NRG2: variants seen among roughly 807,000 people sequenced by gnomAD.
NRG2 encodes the protein pro-neuregulin-2, membrane-bound isoform.
A neutral mutation model predicts 73.9 loss-of-function variants in NRG2; 27 were observed. The observed-to-expected ratio is 0.37, with a 90% CI of 0.27 to 0.50. The LOEUF is 0.50. Among genes scored for constraint, NRG2 ranks in the 20% least tolerant of loss-of-function variants. The pLI is 0.96. For synonymous variants in NRG2, 532 were observed against 541.0 expected (o/e 0.98, Z 0.23); for missense variants, 1,126 against 1,210.1 (o/e 0.93, Z 1.03).
intron 1 of NRG2, among the ~76,000 whole-genome samples, chr5:139,899,640 C>T (rs1764752501): frequency 6.6e-6 from 1 of 152,232 alleles, no homozygotes; most frequent in South Asian, 2.1e-4. Context: ...CTGCCACAGT[C>T]ACACTGCAAG....
chr5:139,921,561 A>C (rs552921756), intron 1 of NRG2, among the ~76,000 whole-genome samples: 1 of 152,226 alleles, frequency 6.6e-6, no homozygotes, highest in Admixed American at 6.5e-5. Context: ...CTGTAAAAAA[A>C]AAAAGAATCT....
intron 1 of NRG2, among the ~76,000 whole-genome samples, chr5:139,999,919 A>G (rs543276641): frequency 6.6e-6 from 1 of 152,364 alleles, no homozygotes; most frequent in African/African-American, 2.4e-5. Context: ...TGCCCAGGGG[A>G]AAACAAGCAG....
At chr5:139,965,720 C>A (rs540645531) in intron 1 of NRG2, among the ~76,000 whole-genome samples, 1 of 152,168 alleles carries the variant, frequency 6.6e-6, no homozygotes, top group African/African-American at 2.4e-5. Context: ...TGGTAGAGAC[C>A]GTCACCCCAA....
intron 1 of NRG2, among the ~76,000 whole-genome samples, chr5:139,942,511 A>G (rs1349399448): frequency 6.6e-6 from 1 of 152,164 alleles, no homozygotes; most frequent in Non-Finnish European, 1.5e-5. Context: ...ATTCTACACT[A>G]TTCTTAGAGG....
chr5:139,987,183 G>A (rs895598939), intron 1 of NRG2, among the ~76,000 whole-genome samples: 2 of 150,792 alleles, frequency 1.3e-5, no homozygotes, highest in African/African-American at 4.9e-5. Context: ...GCCAGCCTGG[G>A]CAACACAATG....
chr5:139,876,999 A>T (rs1763224883), intron 3 of NRG2, among the ~76,000 whole-genome samples: 1 of 151,558 alleles, frequency 6.6e-6, no homozygotes, highest in Non-Finnish European at 1.5e-5. Flanking sequence ...TCCAGGTAAG[A>T]GACTGGCCCA....
chr5:139,847,652 T>G lies in NRG2; in HGVS notation c.*265A>C. ...AAAAAATTGGCCCATCTCTCTTTTT[T>G]TTTTGTTGTTTCTTTTTTTTTTCCG... On this transcript the variant is annotated 3_prime_UTR_variant, in exon 10 of 10. Transcript: ENST00000361474. 2 of 307,108 alleles carry G rather than the reference T, an allele frequency of 6.5e-6. No individual in the cohort carries two copies. The highest frequency in any genetic ancestry group is 1.2e-5 in the Non-Finnish European group (2 of 170,612). The allele number at this position is 307,108 out of a possible 1,614,324, so 19.0% of individuals were successfully genotyped here. A position where few individuals can be genotyped will look rare whatever the true frequency, so the allele number is the denominator to read the frequency against.
intron 1 of NRG2, among the ~76,000 whole-genome samples, chr5:140,036,052 A>C (rs192713826): frequency 2.1e-4 from 32 of 152,316 alleles, no homozygotes; most frequent in Non-Finnish European, 3.2e-4. Context: ...CAGCACAATC[A>C]GGTCCTGAAC....
At position 139,847,940 on chromosome 5, in the gene NRG2, T is replaced by A; in HGVS notation, c.2530A>T (p.Lys844Ter). The A allele has an allele frequency of 6.7e-7, 1 of 1,499,194 alleles. No individual in the cohort carries two copies. The allele number at this position is 1,499,194 out of a possible 1,614,324, so 92.9% of individuals were successfully genotyped here. A position where few individuals can be genotyped will look rare whatever the true frequency, so the allele number is the denominator to read the frequency against. The part of the protein sequence containing the change: ...RHSRGPPPRA[K>*]QDSAPL ...CCCTAGAGTGGCGCCGAGTCCTGCT[T>A]GGCCCGCGGGGGCGGCCCGCGGCTG... Residue 844 changes from lysine to a stop codon, truncating the protein, a stop_gained, in exon 10 of 10, where the codon AAG becomes TAG. Coordinates refer to ENST00000361474, the MANE Select transcript of NRG2 (RefSeq NM_004883.3). LOFTEE classifies it high-confidence loss of function.
intron 1 of NRG2, among the ~76,000 whole-genome samples, chr5:139,993,399 G>T (rs992992482): frequency 2.0e-5 from 3 of 152,156 alleles, no homozygotes; most frequent in Admixed American, 6.5e-5. Flanking sequence ...AACATGCCAA[G>T]TTCATTCTTA....
At position 140,043,241 on chromosome 5, in the gene NRG2, A is replaced by C; in HGVS notation, c.-172T>G. ...GGGGGCAGGCGGCAAGCGGGCCGCG[A>C]TGCGCAGCGCGGCGCAGCGCAGCGC... On this transcript the variant is annotated 5_prime_UTR_variant, in exon 1 of 10. Coordinates refer to ENST00000361474, the MANE Select transcript of NRG2 (RefSeq NM_004883.3). The surrounding 1 kb of genome is among the most constrained non-coding windows in gnomAD (Gnocchi z 6.7). The C allele has an allele frequency of 3.1e-6, 2 of 649,184 alleles. No individual in the cohort carries two copies. The highest frequency in any genetic ancestry group is 2.5e-6 in the Non-Finnish European group (1 of 399,756). 40.2% of individuals were successfully genotyped at this position (649,184 alleles called of 1,614,324 possible).
chr5:139,872,673 TGG>T (rs1198401375), intron 3 of NRG2, among the ~76,000 whole-genome samples: 1 of 151,870 alleles, frequency 6.6e-6, no homozygotes, highest in Non-Finnish European at 1.5e-5. Flanking sequence ...GGTGCAAAAC[TGG>T]GGGAGAGCAA....
intron 1 of NRG2, among the ~76,000 whole-genome samples, chr5:139,971,485 A>G (rs1019665316): frequency 2.0e-5 from 3 of 152,134 alleles, no homozygotes; most frequent in Non-Finnish European, 4.4e-5. Flanking sequence ...TGTGGCCCAG[A>G]CCCAGAAGGA....
chr5:140,026,575 G>C (rs1171088750), intron 1 of NRG2, among the ~76,000 whole-genome samples: 1 of 151,878 alleles, frequency 6.6e-6, no homozygotes, highest in East Asian at 1.9e-4. Flanking sequence ...AACAGCCACC[G>C]TACTCCAGCC....
intron 1 of NRG2, among the ~76,000 whole-genome samples, chr5:140,020,218 AG>A (rs1479965900): frequency 6.6e-6 from 1 of 152,238 alleles, no homozygotes; most frequent in Non-Finnish European, 1.5e-5. Flanking sequence ...ATTGGTACTA[AG>A]TAAGCAGCTC....
intron 1 of NRG2, among the ~76,000 whole-genome samples, chr5:140,040,247 A>G (rs1304308238): frequency 6.6e-6 from 1 of 152,160 alleles, no homozygotes; most frequent in Non-Finnish European, 1.5e-5. Flanking sequence ...GTTTACTGCC[A>G]TACACATTCC....
rs1451177922 is a variant in NRG2 at position 139,865,271 on chromosome 5, C to T, written c.1189+278G>A. The stretch of plus-strand genomic sequence containing the variant: ...GGCTCCTGCCAATGCCAGCTGGGTT[C>T]CTTGCCACCGTTACCATTTGTATTG... On this transcript the variant is annotated intron_variant, in intron 5 of 9. Coordinates refer to ENST00000361474, the MANE Select transcript of NRG2 (RefSeq NM_004883.3). This position sits in a 1 kb window ranked among gnomAD's most constrained non-coding sequence, Gnocchi z 5.2. The T allele has an allele frequency of 9.9e-7, 1 of 1,007,360 alleles. No homozygotes were observed. Among genetic ancestry groups the T allele is most frequent in the Non-Finnish European group, 1.6e-6 (1 of 638,950 alleles). The allele number at this position is 1,007,360 out of a possible 1,614,324, so 62.4% of individuals were successfully genotyped here. A position where few individuals can be genotyped will look rare whatever the true frequency, so the allele number is the denominator to read the frequency against.
At chr5:140,003,530 T>G (rs765894055) in intron 1 of NRG2, among the ~76,000 whole-genome samples, 3 of 151,936 alleles carry the variant, frequency 2.0e-5, no homozygotes, top group Non-Finnish European at 4.4e-5. Context: ...CCTCTAAGAG[T>G]TGGAAAAGGC....
chr5:139,866,200 A>C (rs1387910952), intron 4 of NRG2, among the ~76,000 whole-genome samples: 2 of 152,182 alleles, frequency 1.3e-5, no homozygotes, highest in East Asian at 3.8e-4. Context: ...CTGTTCTTTC[A>C]AAGAGGGTTC....
Sources: allele counts gnomAD v4.1 joint callset (sites outside exome capture counted in the v4.1 genomes callset), GRCh38; gene constraint gnomAD v4.1.1; non-coding constraint Gnocchi (gnomAD v3.1); transcripts MANE v1.5; gene names NCBI Gene and HGNC (gene_info 2026-07-23, HGNC 2026-07-21).